BPI: variants seen among roughly 807,000 people sequenced by gnomAD.
The protein encoded by BPI is bactericidal permeability-increasing protein.
Under a neutral mutation model 57.6 loss-of-function variants are expected in BPI, and 48 were observed. The observed-to-expected ratio is 0.83, with a 90% CI of 0.66 to 1.06. BPI has a LOEUF of 1.06. Ranked by LOEUF, BPI falls within the 50% of genes least tolerant of loss-of-function variation. BPI has a pLI of 0.00. For synonymous variants in BPI, 237 were observed against 238.2 expected, an observed-to-expected ratio of 0.99 and a Z score of 0.05; for missense variants, 651 against 609.7, an observed-to-expected ratio of 1.07 and a Z score of -0.71.
chr20:38,319,425 T>C (rs2122525604), intron 6 of BPI, among the ~76,000 whole-genome samples: 1 of 152,314 alleles, frequency 6.6e-6, no homozygotes, highest in African/African-American at 2.4e-5. Flanking sequence ...AAGCCTGGCA[T>C]GGTTGGCACA....
chr20:38,311,754 G>A lies in BPI; in HGVS notation c.537-120G>A. ...GGGTGTGTGCAGTTAGAGCTCAGAG[G>A]AGAGGGTGCCAAAACCTGTTTCTAG... On this transcript the variant is annotated intron_variant, in intron 4 of 14. Coordinates refer to ENST00000642449, the MANE Select transcript of BPI (RefSeq NM_001725.3). 3 of 875,432 alleles carry A rather than the reference G, an allele frequency of 3.4e-6. No individual in the cohort carries two copies. The South Asian group carries it at 4.2e-5, about 12-fold the overall frequency. The allele number at this position is 875,432 out of a possible 1,614,324, so 54.2% of individuals were successfully genotyped here.
At chr20:38,308,459 C>A (rs1330337861) in intron 2 of BPI, among the ~76,000 whole-genome samples, 1 of 152,192 alleles carries the variant, frequency 6.6e-6, no homozygotes, top group African/African-American at 2.4e-5. Context: ...GTTTTATACA[C>A]CCATTCATTC....
At chr20:38,318,956 A>T (rs572075892) in intron 6 of BPI, among the ~76,000 whole-genome samples, 3 of 152,212 alleles carry the variant, frequency 2.0e-5, no homozygotes, top group African/African-American at 7.2e-5. Flanking sequence ...ACACAGGAGT[A>T]ACCTGGCCGG....
At chr20:38,327,539 A>T in intron 10 of BPI, 49 bp from the exon 11 acceptor site, 1 of 1,606,274 alleles carries the variant, frequency 6.2e-7, no homozygotes. Context: ...AGGCCTTGCA[A>T]TCAGGTGCCT....
chr20:38,320,303 C>G, intron 7 of BPI, 29 bp downstream of exon 7: 4 of 1,597,388 alleles, frequency 2.5e-6, no homozygotes, highest in Non-Finnish European at 3.4e-6. Flanking sequence ...ATCATACACC[C>G]TCACACCTCT....
rs769156381 is a variant in BPI, at chr20:38,326,425, T to C, written c.1154T>C (p.Ile385Thr). The change falls in exon 10 of 15, where the codon ATT (isoleucine) becomes ACT (threonine). Residue 385 changes from isoleucine (I) to threonine (T), a missense_variant. Physicochemically the swap from Ile to Thr is moderately conservative, Grantham distance 89. Transcript: ENST00000642449. Reference sequence around the variant, plus strand: ...TCCTCCCTGGCTTCCCTCTTCCTGATTGGCATGGTAAGCAGTTCCTGGGTT... The same window carrying C: ...TCCTCCCTGGCTTCCCTCTTCCTGACTGGCATGGTAAGCAGTTCCTGGGTT... Reference protein sequence around the residue: ...PNSSLASLFLIGMHTTGSMEV... With the variant: ...PNSSLASLFLTGMHTTGSMEV... The C allele has an allele frequency of 1.7e-5, 28 of 1,613,178 alleles. No homozygotes were observed. The highest frequency in any genetic ancestry group is 2.2e-5 in the East Asian group (1 of 44,866).
rs139584810 is a variant in BPI at position 38,323,898 on chromosome 20, A to G, written c.785A>G (p.Asn262Ser). 1.6e-3 allele frequency: 2,531 copies of G among 1,614,050 alleles called. 8 individuals carry two copies. Among genetic ancestry groups the G allele is most frequent in the Middle Eastern group, 4.3e-3 (26 of 6,062 alleles). The part of the protein sequence containing the change: ...KGEFYSENHH[N>S]PPPFAPPVME... ...GAGTTTTACAGTGAGAACCACCACA[A>G]TCCACCTCCCTTTGCTCCACCAGTG... Residue 262 changes from asparagine to serine, a missense_variant, in exon 8 of 15, where the codon AAT becomes AGT. By Grantham distance (46) the Asn-to-Ser change is conservative. Transcript: ENST00000642449.
At chr20:38,332,182 A>G (rs2076746131) in intron 12 of BPI, among the ~76,000 whole-genome samples, 1 of 152,158 alleles carries the variant, frequency 6.6e-6, no homozygotes, top group Non-Finnish European at 1.5e-5. Flanking sequence ...GGGCTGAGCT[A>G]GAGGAGGGGA....
chr20:38,307,731 TG>T lies in BPI; in HGVS notation c.245+54del, dbSNP rs1038938172. On this transcript the variant is annotated intron_variant, in intron 2 of 14. Coordinates refer to ENST00000642449, the MANE Select transcript of BPI (RefSeq NM_001725.3). Reference sequence around the variant, plus strand: ...TCGATTTGCAGGACTTGTAGTGTTCTGGGGACACCAAGAGCTAGAATGCAGA... The same window carrying T: ...TCGATTTGCAGGACTTGTAGTGTTCTGGGACACCAAGAGCTAGAATGCAGA... 36 of 1,443,158 alleles carry T rather than the reference TG, an allele frequency of 2.5e-5. 1 individual carries two copies. The highest frequency in any genetic ancestry group is 3.3e-5 in the Non-Finnish European group (34 of 1,036,564). The allele number at this position is 1,443,158 out of a possible 1,614,324, so 89.4% of individuals were successfully genotyped here.
Position 38,309,045 on chromosome 20 carries a change from C to A in BPI, c.361C>A (p.Gln121Lys), listed in dbSNP as rs1263286236. ...CAAGATCAGCGGGAAATGGAAGGCA[C>A]AAAAGAGATTCTTGTGCGTTTCCAT... ...NIKISGKWKA[Q>K]KRFLKMSGNF... The change falls in exon 3 of 15, where the codon CAA becomes AAA. Residue 121 changes from glutamine (Q) to lysine (K), a missense_variant. Gln to Lys is a moderately conservative substitution (Grantham distance 53, BLOSUM62 1). Coordinates refer to ENST00000642449, the MANE Select transcript of BPI (RefSeq NM_001725.3). 6.2e-7 allele frequency: 1 copy of A among 1,614,146 alleles called. No individual in the cohort carries two copies.
At chr20:38,335,004 C>G (rs1420169188) in intron 13 of BPI, among the ~76,000 whole-genome samples, 1 of 152,100 alleles carries the variant, frequency 6.6e-6, no homozygotes, top group Non-Finnish European at 1.5e-5. Context: ...CTAATAGAGG[C>G]CCATATAACC....
At chr20:38,325,244 G>T (rs1358341781) in intron 9 of BPI, among the ~76,000 whole-genome samples, 1 of 149,158 alleles carries the variant, frequency 6.7e-6, no homozygotes, top group East Asian at 2.0e-4. Context: ...AAACCAACAG[G>T]TGGATGAGGT....
At chr20:38,316,812 A>G (rs528254951) in intron 5 of BPI, among the ~76,000 whole-genome samples, 3 of 152,194 alleles carry the variant, frequency 2.0e-5, no homozygotes, top group African/African-American at 7.2e-5. Context: ...ACTTCTGAGC[A>G]CAGTCCAGAG....
At chr20:38,335,482 C>A in intron 13 of BPI, 116 bp from the exon 14 acceptor site, 2 of 921,150 alleles carry the variant, frequency 2.2e-6, no homozygotes, top group East Asian at 2.4e-5. Context: ...CCAGTCCCTA[C>A]CTAGGGCCAG....
At position 38,337,472 on chromosome 20, in the gene BPI, C is replaced by A; in HGVS notation, c.*288C>A. 1 of 332,092 alleles carries A rather than the reference C, an allele frequency of 3.0e-6. No individual in the cohort carries two copies. The highest frequency in any genetic ancestry group is 5.4e-6 in the Non-Finnish European group (1 of 186,216). The allele number at this position is 332,092 out of a possible 1,614,324, so 20.6% of individuals were successfully genotyped here. A position where few individuals can be genotyped will look rare whatever the true frequency, so the allele number is the denominator to read the frequency against. ...AACCAAGAAATTTCCATTTGTGCTT[C>A]ATGAAAAAAAACTTCTGGTTTTTTT... On this transcript the variant is annotated 3_prime_UTR_variant, in exon 15 of 15. Transcript: ENST00000642449.
intron 4 of BPI, 110 bp from the exon 5 acceptor site, chr20:38,311,764 C>G (rs2076623019): frequency 9.0e-7 from 1 of 1,108,250 alleles, no homozygotes; most frequent in Admixed American, 1.8e-5. Context: ...GAGAGGGTGC[C>G]AAAACCTGTT....
rs6064381 is a variant in BPI at position 38,316,576 on chromosome 20, G to A, written c.601-1837G>A. Among the ~76,000 whole-genome samples the A allele has an allele frequency of 9.4e-3, 1,437 of 152,296 alleles. 8 individuals are homozygous for A. The highest frequency in any genetic ancestry group is 0.015 in the Non-Finnish European group (1,040 of 68,014). On this transcript the variant is annotated intron_variant, in intron 5 of 14. Transcript: ENST00000642449. ...TGGGTGCAAGTCATTTATTGGGAGG[G>A]GTTCCCAGGCAGCGCAGTGAGGAGG...
intron 5 of BPI, among the ~76,000 whole-genome samples, chr20:38,317,203 A>G (rs922162485): frequency 6.6e-6 from 1 of 152,146 alleles, no homozygotes; most frequent in African/African-American, 2.4e-5. Flanking sequence ...CCCAGCCCCA[A>G]TCTCTTAGTG....
chr20:38,320,410 G>T (rs941239966), intron 7 of BPI, 136 bp downstream of exon 7: 3 of 758,482 alleles, frequency 4.0e-6, no homozygotes, highest in Non-Finnish European at 6.4e-6. Flanking sequence ...TACTCTCCCC[G>T]CCTCTCCCTG....
Sources: allele counts gnomAD v4.1 joint callset (sites outside exome capture counted in the v4.1 genomes callset), GRCh38; gene constraint gnomAD v4.1.1; transcripts MANE v1.5; gene names NCBI Gene and HGNC (gene_info 2026-07-23, HGNC 2026-07-21).